MMS22L: variants seen among roughly 807,000 people sequenced by gnomAD.
The protein encoded by MMS22L is MMS22 like, DNA repair protein, also known as protein MMS22-like.
Under a neutral mutation model 159.1 loss-of-function variants are expected in MMS22L, and 74 were observed. That is an observed-to-expected ratio of 0.47 (90% CI 0.39 to 0.56). The LOEUF (loss-of-function observed/expected upper bound fraction) is 0.56, where lower values mean the gene tolerates loss of function less well. MMS22L is among the 20% of genes least tolerant of loss of function. MMS22L has a pLI of 0.00. For missense variants in MMS22L, 1,351 were observed against 1,422.1 expected, an observed-to-expected ratio of 0.95 and a Z score of 0.80; for synonymous variants, 517 against 506.9, an observed-to-expected ratio of 1.02 and a Z score of -0.27.
At chr6:97,204,791 T>C (rs1430251379) in intron 14 of MMS22L, among the ~76,000 whole-genome samples, 1 of 70,458 alleles carries the variant, frequency 1.4e-5, no homozygotes, top group African/African-American at 5.8e-5. Flanking sequence ...TGAGACTCAG[T>C]GTCAAAAAAA....
chr6:97,193,480 T>A (rs561882713), intron 14 of MMS22L, among the ~76,000 whole-genome samples: 5 of 152,314 alleles, frequency 3.3e-5, no homozygotes, highest in African/African-American at 9.6e-5. Context: ...ACTTTGTAGA[T>A]GATTATGAGT....
At chr6:97,151,890 T>C in intron 22 of MMS22L, 23 bp from the exon 23 acceptor site, 1 of 1,578,812 alleles carries the variant, frequency 6.3e-7, no homozygotes. Context: ...ATTACAGCAT[T>C]AGGCACTGTG....
intron 14 of MMS22L, among the ~76,000 whole-genome samples, chr6:97,213,894 C>G (rs553809066): frequency 6.6e-6 from 1 of 152,056 alleles, no homozygotes; most frequent in South Asian, 2.1e-4. Flanking sequence ...CTCTAGAAGC[C>G]TCCTATCTGT....
intron 11 of MMS22L, among the ~76,000 whole-genome samples, chr6:97,243,005 G>A (rs1271147589): frequency 6.6e-6 from 1 of 152,144 alleles, no homozygotes; most frequent in Non-Finnish European, 1.5e-5. Context: ...CAGCTCTTAA[G>A]ATTCTTTGCT....
intron 14 of MMS22L, among the ~76,000 whole-genome samples, chr6:97,222,679 C>A (rs1186299852): frequency 6.6e-6 from 1 of 151,952 alleles, no homozygotes; most frequent in East Asian, 1.9e-4. Flanking sequence ...AATCACTCAC[C>A]CTTACTTCAG....
intron 14 of MMS22L, among the ~76,000 whole-genome samples, chr6:97,192,836 T>G (rs150299042): frequency 1.3e-5 from 2 of 152,350 alleles, no homozygotes; most frequent in African/African-American, 4.8e-5. Context: ...TAATTTAATC[T>G]GTAGGTACTT....
chr6:97,259,957 C>T (rs1299100684), intron 9 of MMS22L: 1 of 152,088 alleles, frequency 6.6e-6, no homozygotes, highest in African/African-American at 2.4e-5. Flanking sequence ...TTACAAAATC[C>T]TTGGCTCACA....
intron 19 of MMS22L, among the ~76,000 whole-genome samples, chr6:97,171,654 A>G (rs548754751): frequency 6.6e-6 from 1 of 152,212 alleles, no homozygotes; most frequent in Non-Finnish European, 1.5e-5. Flanking sequence ...TTTCATCAAC[A>G]GTTCTGTGCC....
Position 97,169,970 on chromosome 6 carries a change from G to A in MMS22L, c.2840-1730C>T, listed in dbSNP as rs551273993. ...TAGGATACCAATAAGATATTTTGAC[G>A]AGGGGGTGGGGAAGGCAGTCAGAGA... On this transcript the variant is annotated intron_variant, in intron 19 of 24. Coordinates refer to ENST00000683635, the MANE Select transcript of MMS22L (RefSeq NM_001350599.2). Among the ~76,000 whole-genome samples, 74 of 152,138 alleles carry A rather than the reference G, an allele frequency of 4.9e-4. 1 individual carries two copies. The highest frequency in any genetic ancestry group is 1.7e-3 in the African/African-American group (71 of 41,506).
chr6:97,210,624 C>T (rs1355433683), intron 14 of MMS22L, among the ~76,000 whole-genome samples: 6 of 151,910 alleles, frequency 3.9e-5, no homozygotes, highest in African/African-American at 1.4e-4. Flanking sequence ...AAAGACAAGA[C>T]ATGACTGTAT....
At chr6:97,245,276 A>G (rs1812505688) in intron 11 of MMS22L, among the ~76,000 whole-genome samples, 1 of 152,180 alleles carries the variant, frequency 6.6e-6, no homozygotes, top group African/African-American at 2.4e-5. Context: ...TGGGTCAATG[A>G]GAAAGCAATT....
chr6:97,233,472 A>G (rs1464124141), intron 12 of MMS22L, among the ~76,000 whole-genome samples: 1 of 152,136 alleles, frequency 6.6e-6, no homozygotes, highest in East Asian at 1.9e-4. Context: ...CCCACAATGT[A>G]TGTATACCCA....
chr6:97,254,455 T>C, intron 10 of MMS22L, 102 bp downstream of exon 10: 2 of 820,278 alleles, frequency 2.4e-6, no homozygotes, highest in African/African-American at 1.7e-5. Context: ...TCTGTGATTG[T>C]AGTCTGACTT....
In MMS22L at chr6:97,146,655, T is replaced by C; in HGVS notation, c.*151A>G. 2.1e-6 allele frequency: 1 copy of C among 478,074 alleles called. No homozygotes were observed. Among genetic ancestry groups the C allele is most frequent in the Non-Finnish European group, 3.7e-6 (1 of 273,834 alleles). The allele number at this position is 478,074 out of a possible 1,614,324, so 29.6% of individuals were successfully genotyped here. On this transcript the variant is annotated 3_prime_UTR_variant, in exon 25 of 25. Transcript: ENST00000683635. ...TAATTAACCTTCAGTTCCTTATTTA[T>C]ACATTTTTTACTTACAGATATAAAA...
In MMS22L at chr6:97,162,056, C is replaced by T. The variant is rs149645105; in HGVS notation, c.3331G>A (p.Glu1111Lys). The T allele has an allele frequency of 4.0e-4, 637 of 1,612,232 alleles. 5 individuals are homozygous for T. In the East Asian group the frequency reaches 0.012, roughly 31 times the overall value. Residue 1111 changes from glutamate (E) to lysine (K), a missense_variant, in exon 22 of 25, where the codon GAA becomes AAA. Physicochemically the swap from Glu to Lys is moderately conservative, Grantham distance 56 (BLOSUM62 1). Coordinates refer to ENST00000683635, the MANE Select transcript of MMS22L (RefSeq NM_001350599.2). ...KETNTDIYEV[E>K]LLLPGILKCL... Reference sequence around the variant, plus strand: ...TTTAAAATGCCAGGGAGGAGTAGTTCAACTTCATAAATGTCTGTGTTAGTT... The same window carrying T: ...TTTAAAATGCCAGGGAGGAGTAGTTTAACTTCATAAATGTCTGTGTTAGTT...
chr6:97,154,423 C>T (rs1487100714), intron 22 of MMS22L, among the ~76,000 whole-genome samples: 2 of 152,084 alleles, frequency 1.3e-5, no homozygotes, highest in African/African-American at 4.8e-5. Flanking sequence ...ACTTTCTTAA[C>T]AGTGTCCTTT....
chr6:97,170,167 C>A (rs1031317858), intron 19 of MMS22L, among the ~76,000 whole-genome samples: 2 of 152,092 alleles, frequency 1.3e-5, no homozygotes, highest in Non-Finnish European at 1.5e-5. Flanking sequence ...GTACTATCTG[C>A]GGTTTCAGGC....
intron 10 of MMS22L, among the ~76,000 whole-genome samples, chr6:97,252,033 AGACTGCGC>A (rs1386987764): frequency 1.3e-5 from 2 of 151,866 alleles, no homozygotes; most frequent in Non-Finnish European, 2.9e-5. Flanking sequence ...CAGTAAGCCA[AGACTGCGC>A]CACTGCACTC....
At chr6:97,183,566 T>C in intron 15 of MMS22L, among the ~76,000 whole-genome samples, 1 of 152,156 alleles carries the variant, frequency 6.6e-6, no homozygotes. Context: ...GCATATCTTC[T>C]CTTCACTCTT....
Sources: allele counts gnomAD v4.1 joint callset (sites outside exome capture counted in the v4.1 genomes callset), GRCh38; gene constraint gnomAD v4.1.1; transcripts MANE v1.5; gene names NCBI Gene and HGNC (gene_info 2026-07-23, HGNC 2026-07-21).